Variants in ATRNL1 observed in about 807,000 individuals in gnomAD.
ATRNL1 encodes attractin-like protein 1.
In ATRNL1, 95 loss-of-function variants were observed where a neutral mutation model predicts 182.7. The ratio of observed to expected loss-of-function variants is 0.52; its 90% CI spans 0.44 to 0.62. The LOEUF is 0.62. ATRNL1 is among the 20% of genes least tolerant of loss of function. The pLI, the probability that ATRNL1 is intolerant of heterozygous loss-of-function variation, is 0.00. For synonymous variants in ATRNL1, 576 were observed against 568.3 expected, an observed-to-expected ratio of 1.01 and a Z score of -0.19; for missense variants, 1,471 against 1,679.5, an observed-to-expected ratio of 0.88 and a Z score of 2.17.
Position 115,566,100 on chromosome 10 carries a change from C to CT in ATRNL1, c.3795+16572dup, listed in dbSNP as rs1422595835. Among the ~76,000 whole-genome samples, 5 of 151,488 alleles carry CT rather than the reference C, an allele frequency of 3.3e-5. No homozygotes were observed. In the South Asian group the frequency reaches 8.3e-4, roughly 25 times the overall value. Reference sequence around the variant, plus strand: ...TAGCTATAGTTTTCTTTTTTTCATTCTTTTTTTTATTATTATTGGAGATGG... The same window carrying CT: ...TAGCTATAGTTTTCTTTTTTTCATTCTTTTTTTTTATTATTATTGGAGATGG... On this transcript the variant is annotated intron_variant, in intron 26 of 28. Transcript: ENST00000355044.
chr10:115,265,899 A>G (rs1258724391), intron 11 of ATRNL1, among the ~76,000 whole-genome samples: 2 of 151,740 alleles, frequency 1.3e-5, no homozygotes, highest in Non-Finnish European at 3.0e-5. Flanking sequence ...TGTAAATCAG[A>G]ATGACCTTTT....
At chr10:115,104,140 A>C (rs1843898102) in intron 1 of ATRNL1, among the ~76,000 whole-genome samples, 1 of 152,212 alleles carries the variant, frequency 6.6e-6, no homozygotes, top group Admixed American at 6.5e-5. Context: ...TAGTAGTTAC[A>C]CTAATTTACC....
intron 26 of ATRNL1, among the ~76,000 whole-genome samples, chr10:115,709,955 C>CTT (rs1947015038): frequency 1.3e-5 from 2 of 151,922 alleles, no homozygotes. Flanking sequence ...ACATTTTATG[C>CTT]TTTAAATCTC....
chr10:115,182,697 A>G (rs543007375), intron 8 of ATRNL1, among the ~76,000 whole-genome samples: 35 of 151,618 alleles, frequency 2.3e-4, no homozygotes, highest in South Asian at 2.3e-3. Flanking sequence ...AAGACAGGGA[A>G]TATCAAAACA....
chr10:115,496,825 A>G (rs1341006256), intron 24 of ATRNL1, among the ~76,000 whole-genome samples: 3 of 151,896 alleles, frequency 2.0e-5, no homozygotes, highest in African/African-American at 7.3e-5. Context: ...TCCATTTAAC[A>G]TTTTTTCTTT....
chr10:115,324,472 G>T (rs559153438), intron 18 of ATRNL1, among the ~76,000 whole-genome samples: 101 of 152,132 alleles, frequency 6.6e-4, no homozygotes, highest in Admixed American at 1.9e-3. Flanking sequence ...TATCTACAAG[G>T]GCCATTTACA....
At position 115,462,029 on chromosome 10, in the gene ATRNL1, A is replaced by T. The variant is rs149442348; in HGVS notation, c.3411A>T (p.Pro1137=). 6 of 1,599,610 alleles carry T rather than the reference A, an allele frequency of 3.8e-6. No individual in the cohort carries two copies. Among genetic ancestry groups the T allele is most frequent in the African/African-American group, 1.3e-5 (1 of 74,472 alleles). The change falls in exon 22 of 29, where the codon CCA becomes CCT. Residue 1137 remains proline (P), a synonymous_variant. Coordinates refer to ENST00000355044, the MANE Select transcript of ATRNL1 (RefSeq NM_207303.4). The part of the protein sequence containing the change: ...HHTAINFIAN[P]EQSNKNLDIS... Reference sequence around the variant, plus strand: ...CTGCCATAAACTTTATAGCAAACCCAGAACAGGTGAGGAAAAATTGTTATC... The same window carrying T: ...CTGCCATAAACTTTATAGCAAACCCTGAACAGGTGAGGAAAAATTGTTATC...
intron 28 of ATRNL1, among the ~76,000 whole-genome samples, chr10:115,889,391 G>A (rs1191757095): frequency 2.7e-5 from 4 of 150,790 alleles, no homozygotes; most frequent in African/African-American, 9.8e-5. Context: ...AGGCTGGAGG[G>A]CAGTGGTGCT....
At chr10:115,328,737 G>A (rs932847110) in intron 18 of ATRNL1, among the ~76,000 whole-genome samples, 8 of 152,022 alleles carry the variant, frequency 5.3e-5, no homozygotes, top group Middle Eastern at 3.4e-3. Flanking sequence ...AAACTCATCC[G>A]TGTTGTCCCA....
chr10:115,200,039 A>G (rs1295819611), intron 8 of ATRNL1, among the ~76,000 whole-genome samples: 1 of 152,070 alleles, frequency 6.6e-6, no homozygotes, highest in Non-Finnish European at 1.5e-5. Context: ...GGACCAGAGT[A>G]TATTTTTCTA....
intron 20 of ATRNL1, among the ~76,000 whole-genome samples, chr10:115,411,386 G>A (rs560013415): frequency 4.0e-4 from 61 of 151,348 alleles, no homozygotes; most frequent in African/African-American, 1.1e-3. Flanking sequence ...CAATGTTAGC[G>A]TTTACATAAA....
intron 28 of ATRNL1, among the ~76,000 whole-genome samples, chr10:115,933,821 C>G (rs1953475812): frequency 6.6e-6 from 1 of 152,172 alleles, no homozygotes; most frequent in South Asian, 2.1e-4. Flanking sequence ...TTTCTCCTAC[C>G]TCTCTTCATT....
At chr10:115,817,877 G>GTTTTTTTTTTTTTTTTT (rs35087740) in intron 27 of ATRNL1, among the ~76,000 whole-genome samples, 2 of 133,882 alleles carry the variant, frequency 1.5e-5, no homozygotes. Flanking sequence ...TTTACGTTGT[G>GTTTTTTTTTTTTTTTTT]TTTTTTTTTT....
intron 25 of ATRNL1, among the ~76,000 whole-genome samples, chr10:115,547,261 A>ATATAT (rs1417204395): frequency 1.5e-4 from 21 of 138,378 alleles, no homozygotes; most frequent in Non-Finnish European, 2.7e-4. Flanking sequence ...TCTCAAAAAA[A>ATATAT]AAATATATAT....
At chr10:115,124,459 A>G (rs1844876162) in intron 3 of ATRNL1, among the ~76,000 whole-genome samples, 2 of 152,158 alleles carry the variant, frequency 1.3e-5, no homozygotes, top group Non-Finnish European at 2.9e-5. Context: ...CAGCACATCA[A>G]CATGTATCAC....
At position 115,428,617 on chromosome 10, in the gene ATRNL1, C is replaced by A. The variant is rs374214879; in HGVS notation, c.3322+2315C>A. Among the ~76,000 whole-genome samples the A allele has an allele frequency of 6.6e-5, 10 of 152,034 alleles. No homozygotes were observed. The East Asian group carries it at 9.6e-4, about 15-fold the overall frequency. On this transcript the variant is annotated intron_variant, in intron 21 of 28. Coordinates refer to ENST00000355044, the MANE Select transcript of ATRNL1 (RefSeq NM_207303.4). Reference sequence around the variant, plus strand: ...ATGGTTGTTTATGTCCAATGCATTTCCTGCATTAATTTATATGATTATCAG... The same window carrying A: ...ATGGTTGTTTATGTCCAATGCATTTACTGCATTAATTTATATGATTATCAG...
intron 9 of ATRNL1, among the ~76,000 whole-genome samples, chr10:115,232,867 C>T (rs1554900332): frequency 2.0e-5 from 3 of 152,056 alleles, no homozygotes; most frequent in African/African-American, 7.2e-5. Context: ...GTATTCATTT[C>T]CTATGGCTAC....
At chr10:115,510,642 G>T (rs1850340356) in intron 24 of ATRNL1, among the ~76,000 whole-genome samples, 1 of 151,972 alleles carries the variant, frequency 6.6e-6, no homozygotes, top group Non-Finnish European at 1.5e-5. Context: ...AAAAAATTTT[G>T]TGACCCACTT....
At position 115,550,657 on chromosome 10, in the gene ATRNL1, T is replaced by C. The variant is rs1852926432; in HGVS notation, c.3795+1121T>C. On this transcript the variant is annotated intron_variant, in intron 26 of 28. Transcript: ENST00000355044. ...GACTGTATGTTAAAAAGTAATCCCA[T>C]GGAAAAAGAGCTTATTAAATATAAA... 1.3e-4 allele frequency among the ~76,000 whole-genome samples: 19 copies of C among 151,728 alleles called. 1 individual carries two copies. The highest frequency in any genetic ancestry group is 1.2e-3 in the Admixed American group (18 of 15,210).
Sources: gnomAD v4.1 joint callset for allele counts (sites outside exome capture counted in the v4.1 genomes callset) on GRCh38, gnomAD v4.1.1 for gene constraint, MANE v1.5 for transcripts, NCBI Gene and HGNC (gene_info 2026-07-23, HGNC 2026-07-21) for gene names.